UBE2H: variants seen among roughly 807,000 people sequenced by gnomAD.
The protein encoded by UBE2H is ubiquitin conjugating enzyme E2 H, also known as ubiquitin-conjugating enzyme E2 H.
Under a neutral mutation model 29.0 loss-of-function variants are expected in UBE2H, and 3 were observed. The observed-to-expected ratio is 0.10, with a 90% CI of 0.05 to 0.27. UBE2H has a LOEUF of 0.27. Among genes scored for constraint, UBE2H ranks in the 10% least tolerant of loss-of-function variants. The pLI is 1.00. For missense variants in UBE2H, 68 were observed against 228.2 expected, an observed-to-expected ratio of 0.30 and a Z score of 4.52; for synonymous variants, 69 against 82.9, an observed-to-expected ratio of 0.83 and a Z score of 0.91.
intron 1 of UBE2H, among the ~76,000 whole-genome samples, chr7:129,884,421 A>C (rs902020990): frequency 1.3e-5 from 2 of 151,844 alleles, no homozygotes; most frequent in African/African-American, 4.8e-5. Flanking sequence ...CATCTCAAAA[A>C]AAAAAAAAAA....
intron 1 of UBE2H, among the ~76,000 whole-genome samples, chr7:129,923,926 G>C (rs935750266): frequency 6.6e-6 from 1 of 152,112 alleles, no homozygotes; most frequent in Non-Finnish European, 1.5e-5. Context: ...ATTGGACAAG[G>C]GCCATTAACA....
chr7:129,898,668 A>G (rs796899650), intron 1 of UBE2H, among the ~76,000 whole-genome samples: 6 of 152,356 alleles, frequency 3.9e-5, no homozygotes, highest in African/African-American at 1.4e-4. Context: ...GGAGACAAGT[A>G]GAACTGATAG....
intron 3 of UBE2H, among the ~76,000 whole-genome samples, chr7:129,867,699 TAAAAAAAAAAAAAAAAAAGAAAACCA>T (rs1202154050): frequency 0.2 from 5,832 of 29,622 alleles, 307 homozygotes; most frequent in Middle Eastern, 0.33. Flanking sequence ...TAGAGTATAA[TAAAAAAAAAAAAAAAAAAGAAAACCA>T]AAAAAAAAAA....
chr7:129,908,093 G>A lies in UBE2H; in HGVS notation c.54-27122C>T, dbSNP rs1327926456. On this transcript the variant is annotated intron_variant, in intron 1 of 6. Transcript: ENST00000355621. ...GCACACCACTGTGTAATTTCTATAC[G>A]AGGTTTGGCTTGGATATGGTGCTAA... 3.3e-5 allele frequency among the ~76,000 whole-genome samples: 5 copies of A among 152,138 alleles called. No homozygotes were observed. The South Asian group carries it at 8.3e-4, about 25-fold the overall frequency.
chr7:129,869,830 A>T (rs1805992230), intron 3 of UBE2H, among the ~76,000 whole-genome samples: 1 of 152,198 alleles, frequency 6.6e-6, no homozygotes, highest in Non-Finnish European at 1.5e-5. Flanking sequence ...AAGTAAACAA[A>T]TATATACCAG....
intron 1 of UBE2H, among the ~76,000 whole-genome samples, chr7:129,895,018 T>C (rs1020806806): frequency 2.0e-5 from 3 of 152,230 alleles, no homozygotes; most frequent in Admixed American, 1.3e-4. Flanking sequence ...AAAAATTGTT[T>C]TAAAAACTTT....
At chr7:129,887,469 C>T (rs1347943501) in intron 1 of UBE2H, among the ~76,000 whole-genome samples, 2 of 152,084 alleles carry the variant, frequency 1.3e-5, no homozygotes, top group African/African-American at 2.4e-5. Context: ...ATCCACCTGC[C>T]TCAGCCTCCC....
chr7:129,880,460 C>T (rs1422924683), intron 2 of UBE2H, among the ~76,000 whole-genome samples: 1 of 152,124 alleles, frequency 6.6e-6, no homozygotes, highest in Non-Finnish European at 1.5e-5. Context: ...AAGCCACAAT[C>T]GTGCCACTGC....
intron 5 of UBE2H, among the ~76,000 whole-genome samples, chr7:129,853,755 G>A (rs927471807): frequency 6.6e-6 from 1 of 152,164 alleles, no homozygotes; most frequent in African/African-American, 2.4e-5. Context: ...AAGGGTGTGA[G>A]GGGACAGAGG....
At chr7:129,873,083 G>A (rs1480823410) in intron 3 of UBE2H, among the ~76,000 whole-genome samples, 4 of 148,744 alleles carry the variant, frequency 2.7e-5, no homozygotes, top group East Asian at 2.1e-4. Context: ...GCCGTGGCGC[G>A]ATCTTGGCTC....
rs116253227 is a variant in UBE2H at position 129,929,009 on chromosome 7, T to C, written c.53+23494A>G. On this transcript the variant is annotated intron_variant, in intron 1 of 6. Transcript: ENST00000355621. ...GCACTGTCAATTGCCCAGAGTCAAT[T>C]AAGTGCCTGATAAGAGTAACATTTA... 9.9e-3 allele frequency among the ~76,000 whole-genome samples: 1,505 copies of C among 152,230 alleles called. 38 individuals are homozygous for C. Among genetic ancestry groups the C allele is most frequent in the African/African-American group, 0.035 (1,437 of 41,534 alleles).
At chr7:129,951,520 C>A (rs1368460945) in intron 1 of UBE2H, among the ~76,000 whole-genome samples, 1 of 152,098 alleles carries the variant, frequency 6.6e-6, no homozygotes, top group Non-Finnish European at 1.5e-5. Flanking sequence ...GTCACAGGAA[C>A]CTTCGCGAAT....
chr7:129,850,195 C>T (rs964658175), intron 5 of UBE2H, among the ~76,000 whole-genome samples: 1 of 151,896 alleles, frequency 6.6e-6, no homozygotes, highest in African/African-American at 2.4e-5. Flanking sequence ...AGTGACACCC[C>T]CATCTCTAGT....
intron 1 of UBE2H, among the ~76,000 whole-genome samples, chr7:129,914,407 C>T (rs2708648): frequency 1 from 151,665 of 152,224 alleles, 75,558 homozygotes; most frequent in Non-Finnish European, 1. Flanking sequence ...CCTCAAGTGA[C>T]CCACACACCT....
At position 129,872,845 on chromosome 7, in the gene UBE2H, C is replaced by CAAAAAAAAAAAAAA. The variant is rs34001143; in HGVS notation, c.205+6709_205+6722dup. 2.2e-4 allele frequency among the ~76,000 whole-genome samples: 16 copies of CAAAAAAAAAAAAAA among 72,006 alleles called. 1 individual carries two copies. The East Asian group carries it at 2.7e-3, about 12-fold the overall frequency. The allele number at this position is 72,006 out of a possible 152,430, so 47.2% of individuals were successfully genotyped here. The stretch of plus-strand genomic sequence containing the variant: ...TAGGTGACAGAGCAACACTCCGTCT[C>CAAAAAAAAAAAAAA]AAAAAAAAAAAAAAAAAAAAAAAAA... On this transcript the variant is annotated intron_variant, in intron 3 of 6. Transcript: ENST00000355621.
chr7:129,908,555 G>A lies in UBE2H; in HGVS notation c.54-27584C>T, dbSNP rs117388384. 2.6e-5 allele frequency among the ~76,000 whole-genome samples: 4 copies of A among 152,246 alleles called. No individual in the cohort carries two copies. In the East Asian group the frequency reaches 5.8e-4, roughly 22 times the overall value. On this transcript the variant is annotated intron_variant, in intron 1 of 6. Coordinates refer to ENST00000355621, the MANE Select transcript of UBE2H (RefSeq NM_003344.4). ...ATTCATTTATAGATGCCTATTTCACGTCTCTGAAGCAAAATGGTTCATTTG... is the reference window on the plus strand; with the variant it reads ...ATTCATTTATAGATGCCTATTTCACATCTCTGAAGCAAAATGGTTCATTTG...
rs1806213466 is a variant in UBE2H, at chr7:129,879,558, A to G, written c.205+10T>C. 1 of 1,608,854 alleles carries G rather than the reference A, an allele frequency of 6.2e-7. No individual in the cohort carries two copies. Among genetic ancestry groups the G allele is most frequent in the Non-Finnish European group, 8.5e-7 (1 of 1,177,976 alleles). The stretch of plus-strand genomic sequence containing the variant: ...AACTCTCTAAGGAGAAAAACCAAGT[A>G]GTAACATACCTATAGATGGAGATTT... On this transcript the variant is annotated intron_variant, in intron 3 of 6. Transcript: ENST00000355621.
intron 1 of UBE2H, among the ~76,000 whole-genome samples, chr7:129,939,670 A>C (rs1807601419): frequency 6.6e-6 from 1 of 152,218 alleles, no homozygotes; most frequent in Non-Finnish European, 1.5e-5. Context: ...ATTGAAAAGC[A>C]AAATCCAGGC....
At chr7:129,838,012 T>G (rs1805362140) in intron 6 of UBE2H, among the ~76,000 whole-genome samples, 1 of 152,218 alleles carries the variant, frequency 6.6e-6, no homozygotes, top group South Asian at 2.1e-4. Flanking sequence ...CCAAGATATC[T>G]GTGGTTTGCA....
Sources: gnomAD v4.1 joint callset for allele counts (sites outside exome capture counted in the v4.1 genomes callset) on GRCh38, gnomAD v4.1.1 for gene constraint, MANE v1.5 for transcripts, NCBI Gene and HGNC (gene_info 2026-07-23, HGNC 2026-07-21) for gene names.